The following SPG11 variants were observed in gnomAD, a reference collection of about 807,000 sequenced individuals.
SPG11 encodes SPG11 vesicle trafficking associated, spatacsin, also known as spatacsin.
SPG11 carries 222 observed loss-of-function variants against 274.0 expected under a neutral mutation model. The ratio of observed to expected loss-of-function variants is 0.81; its 90% CI spans 0.73 to 0.91. SPG11 has a LOEUF of 0.91. SPG11 is among the 40% of genes least tolerant of loss of function. The pLI, the probability that SPG11 is intolerant of heterozygous loss-of-function variation, is 0.00. For synonymous variants in SPG11, 1,144 were observed against 1,039.7 expected (o/e 1.10, Z -1.93); for missense variants, 3,114 against 2,872.7 (o/e 1.08, Z -1.92).
chr15:44,623,854 G>A (rs1192242397), intron 11 of SPG11, among the ~76,000 whole-genome samples: 2 of 151,922 alleles, frequency 1.3e-5, no homozygotes, highest in South Asian at 2.1e-4. Flanking sequence ...TCTGCCTCCC[G>A]GGTTCAAATG....
intron 7 of SPG11, among the ~76,000 whole-genome samples, chr15:44,646,863 C>T (rs2084626665): frequency 6.6e-6 from 1 of 152,030 alleles, no homozygotes; most frequent in Non-Finnish European, 1.5e-5. Context: ...TTGAAAACTG[C>T]CTATCAGGTA....
chr15:44,578,313 G>C (rs562706153), intron 30 of SPG11, among the ~76,000 whole-genome samples: 1 of 151,852 alleles, frequency 6.6e-6, no homozygotes, highest in Non-Finnish European at 1.5e-5. Context: ...TTACAGGCGT[G>C]AGCCACCGCG....
At chr15:44,592,986 A>G (rs538419743) in intron 26 of SPG11, among the ~76,000 whole-genome samples, 19 of 147,342 alleles carry the variant, frequency 1.3e-4, no homozygotes, top group African/African-American at 4.7e-4. Context: ...CTCTGCCTCA[A>G]AAAAAAAAAA....
Position 44,663,456 on chromosome 15 carries a change from T to A in SPG11, c.192A>T (p.Gln64His). 6.3e-7 allele frequency: 1 copy of A among 1,599,612 alleles called. No individual in the cohort carries two copies. The highest frequency in any genetic ancestry group is 2.3e-5 in the East Asian group (1 of 44,138). The change falls in exon 1 of 40, where the codon CAA becomes CAT. Residue 64 changes from glutamine (Q) to histidine (H), a missense_variant. Physicochemically the swap from Gln to His is conservative, Grantham distance 24 (BLOSUM62 0). Transcript: ENST00000261866. ...LGSLTAAGSL[Q>H]VLSLTPGSRG... The stretch of plus-strand genomic sequence containing the variant: ...GGCTGCCAGGCGTCAAAGAAAGCAC[T>A]TGGAGGCTGCCCGCAGCCGTCAGGC...
chr15:44,646,839 G>A (rs534450463), intron 7 of SPG11, among the ~76,000 whole-genome samples: 4 of 152,260 alleles, frequency 2.6e-5, no homozygotes, highest in African/African-American at 9.6e-5. Flanking sequence ...TGGAGGGTAG[G>A]AGGAAGGTGA....
At position 44,567,479 on chromosome 15, in the gene SPG11, C is replaced by T. The variant is rs778848426; in HGVS notation, c.6699G>A (p.Glu2233=). The change falls in exon 36 of 40, where the codon GAG becomes GAA. Residue 2233 remains glutamate (E), a synonymous_variant. Transcript: ENST00000261866. ...GGATGCGGGCAGCTGCCTCGTGGTT[C>T]TCGCCAATCTCCCGGCACATGCTGA... The part of the protein sequence containing the change: ...LCFSMCREIG[E]NHEAAARIQL... The T allele has an allele frequency of 9.3e-6, 15 of 1,613,826 alleles. No homozygotes were observed. The African/African-American group carries it at 1.9e-4, about 20-fold the overall frequency.
chr15:44,587,688 T>C (rs1039261095), intron 28 of SPG11, among the ~76,000 whole-genome samples: 3 of 88,634 alleles, frequency 3.4e-5, no homozygotes, highest in Non-Finnish European at 5.9e-5. Flanking sequence ...AGAGCCAGAC[T>C]GTCTCAAAAA....
intron 36 of SPG11, 72 bp downstream of exon 36, chr15:44,567,349 CAAA>C (rs397853802): frequency 7.7e-3 from 8,960 of 1,157,202 alleles, no homozygotes; most frequent in Middle Eastern, 8.5e-3. Context: ...GACTCTGTCT[CAAA>C]AAAAAAAAAA....
Position 44,567,557 on chromosome 15 carries a change from G to C in SPG11, c.6621C>G (p.Ile2207Met), listed in dbSNP as rs758008249. 1.5e-5 allele frequency: 24 copies of C among 1,613,902 alleles called. No homozygotes were observed. Among genetic ancestry groups the C allele is most frequent in the Non-Finnish European group, 1.9e-5 (23 of 1,180,014 alleles). ...GTLKTALLDY[I>M]KRCRPGDSEK... is the part of the protein sequence containing the mutation. ...CACTGTCTCCAGGACGGCAGCGTTTGATGTAGTCCAGCAGGGCTGTTTTCA... is the reference window on the plus strand; with the variant it reads ...CACTGTCTCCAGGACGGCAGCGTTTCATGTAGTCCAGCAGGGCTGTTTTCA... Residue 2207 changes from isoleucine to methionine, a missense_variant, in exon 36 of 40, where the codon ATC (isoleucine) becomes ATG (methionine). Ile to Met is a conservative substitution (Grantham distance 10, BLOSUM62 1). Coordinates refer to ENST00000261866, the MANE Select transcript of SPG11 (RefSeq NM_025137.4).
intron 7 of SPG11, 106 bp from the exon 8 acceptor site, chr15:44,633,743 A>T: frequency 8.4e-7 from 1 of 1,196,738 alleles, no homozygotes; most frequent in Non-Finnish European, 1.2e-6. Context: ...GTGAGACTAC[A>T]GGAGGCAAAA....
chr15:44,609,710 C>T (rs2083410247), intron 18 of SPG11, among the ~76,000 whole-genome samples: 1 of 151,010 alleles, frequency 6.6e-6, no homozygotes, highest in Non-Finnish European at 1.5e-5. Context: ...ATAACATATT[C>T]ATTCCCCTCC....
At chr15:44,573,278 C>G (rs1840048581) in intron 32 of SPG11, 1 of 600,306 alleles carries the variant, frequency 1.7e-6, no homozygotes, top group African/African-American at 1.9e-5. Context: ...AGCCACCGCG[C>G]CCGGCCAGGA....
chr15:44,601,305 G>C (rs2083182177), intron 20 of SPG11, among the ~76,000 whole-genome samples: 1 of 151,646 alleles, frequency 6.6e-6, no homozygotes. Context: ...CTGTCGCCCA[G>C]ACTGGAGTGC....
chr15:44,618,762 G>C (rs923983136), intron 15 of SPG11, among the ~76,000 whole-genome samples: 3 of 151,734 alleles, frequency 2.0e-5, no homozygotes, highest in African/African-American at 7.3e-5. Flanking sequence ...AGAGCTTGTA[G>C]TGAGCCAATA....
chr15:44,567,610 G>A lies in SPG11; in HGVS notation c.6586-18C>T, dbSNP rs1199837448. ...GTACCACTCTGCCCAGAATAAAAGG[G>A]AAAAAGCAAGGTGTCAGTCAGGGAC... On this transcript the variant is annotated intron_variant, in intron 35 of 39. Coordinates refer to ENST00000261866, the MANE Select transcript of SPG11 (RefSeq NM_025137.4). The A allele has an allele frequency of 6.2e-7, 1 of 1,613,666 alleles. No individual in the cohort carries two copies. The highest frequency in any genetic ancestry group is 2.2e-5 in the East Asian group (1 of 44,862).
At chr15:44,662,968 G>GA (rs1394667743) in intron 1 of SPG11, among the ~76,000 whole-genome samples, 1 of 152,224 alleles carries the variant, frequency 6.6e-6, no homozygotes, top group East Asian at 1.9e-4. Flanking sequence ...TCAAGGACAT[G>GA]AAAAAAGTAT....
At position 44,651,868 on chromosome 15, in the gene SPG11, G is replaced by A. The variant is rs2084791189; in HGVS notation, c.1079C>T (p.Ala360Val). Residue 360 changes from alanine to valine, a missense_variant, in exon 6 of 40, where the codon GCT becomes GTT. Physicochemically the swap from Ala to Val is moderately conservative, Grantham distance 64. Transcript: ENST00000261866. ...ATGCAAAATATCCTGGAACCATGGAGCACAACAGGAAACCTCCAGTTTGGA... is the reference window on the plus strand; with the variant it reads ...ATGCAAAATATCCTGGAACCATGGAACACAACAGGAAACCTCCAGTTTGGA... ...KNSKLEVSCC[A>V]PWFQDILHLE... The A allele has an allele frequency of 6.2e-7, 1 of 1,613,628 alleles. No individual in the cohort carries two copies. Among genetic ancestry groups the A allele is most frequent in the African/African-American group, 1.3e-5 (1 of 75,016 alleles).
chr15:44,620,205 A>G lies in SPG11; in HGVS notation c.2819T>C (p.Leu940Ser). The G allele has an allele frequency of 6.2e-7, 1 of 1,613,746 alleles. No individual in the cohort carries two copies. Among genetic ancestry groups the G allele is most frequent in the Non-Finnish European group, 8.5e-7 (1 of 1,179,686 alleles). ...GTTATAATACCTGGCCAGCTTATCT[A>G]AAATTTCATTCCTCATGTAGTTGTT... ...SCNNYMRNEI[L>S]DKLARNGVFL... Residue 940 changes from leucine to serine, a missense_variant, in exon 15 of 40, where the codon TTA (leucine) becomes TCA (serine). By Grantham distance (145) the Leu-to-Ser change is moderately radical (BLOSUM62 -2). Transcript: ENST00000261866.
rs370252831 is a variant in SPG11, at chr15:44,610,947, G to C, written c.3184C>G (p.Gln1062Glu). The change falls in exon 18 of 40, where the codon CAG (glutamine) becomes GAG (glutamate). Residue 1062 changes from glutamine (Q) to glutamate (E), a missense_variant. Gln to Glu is a conservative substitution (Grantham distance 29). Coordinates refer to ENST00000261866, the MANE Select transcript of SPG11 (RefSeq NM_025137.4). Reference sequence around the variant, plus strand: ...GCCTGATTGGTGGGAATCAAAATCTGAGCATTTGCAAGGCTAGCCTGGAAG... The same window carrying C: ...GCCTGATTGGTGGGAATCAAAATCTCAGCATTTGCAAGGCTAGCCTGGAAG... Reference protein sequence around the residue: ...LIFQASLANAQILIPTNQASV... With the variant: ...LIFQASLANAEILIPTNQASV... The C allele has an allele frequency of 3.1e-6, 5 of 1,613,864 alleles. No homozygotes were observed. In the African/African-American group the frequency reaches 4.0e-5, roughly 13 times the overall value.
Sources: allele counts gnomAD v4.1 joint callset (sites outside exome capture counted in the v4.1 genomes callset), GRCh38; gene constraint gnomAD v4.1.1; transcripts MANE v1.5; gene names NCBI Gene and HGNC (gene_info 2026-07-23, HGNC 2026-07-21).